The following UBE3B variants were observed in gnomAD, a reference collection of about 807,000 sequenced individuals.
UBE3B encodes ubiquitin-protein ligase E3B.
Under a neutral mutation model 132.3 loss-of-function variants are expected in UBE3B, and 80 were observed. That is an observed-to-expected ratio of 0.60 (90% CI 0.50 to 0.73). The LOEUF is 0.73. Ranked by LOEUF, UBE3B falls within the 30% of genes least tolerant of loss-of-function variation. UBE3B has a pLI of 0.00. For missense variants in UBE3B, 1,196 were observed against 1,362.5 expected (o/e 0.88, Z 1.92); for synonymous variants, 487 against 520.4 (o/e 0.94, Z 0.87).
At chr12:109,500,678 C>T (rs1878869014) in intron 12 of UBE3B, among the ~76,000 whole-genome samples, 1 of 152,238 alleles carries the variant, frequency 6.6e-6, no homozygotes, top group African/African-American at 2.4e-5. Context: ...CTCCGCTCCA[C>T]TTCCTCTTCT....
chr12:109,528,360 A>G, intron 24 of UBE3B: 1 of 985,344 alleles, frequency 1.0e-6, no homozygotes, highest in Non-Finnish European at 1.2e-6. Flanking sequence ...GCTTCAAAGT[A>G]TACCTGGAAG....
chr12:109,489,565 A>G (rs1877079568), intron 7 of UBE3B, among the ~76,000 whole-genome samples: 1 of 152,200 alleles, frequency 6.6e-6, no homozygotes, highest in Admixed American at 6.5e-5. Context: ...TGGGAAGCTC[A>G]TGTCCCATTG....
At chr12:109,485,893 G>A in intron 4 of UBE3B, 119 bp from the exon 5 acceptor site, 1 of 1,046,846 alleles carries the variant, frequency 9.6e-7, no homozygotes, top group East Asian at 2.6e-5. Context: ...ATGTGATTAT[G>A]TGTGAATCAC....
In UBE3B at chr12:109,521,700, C is replaced by T. The variant is rs956614520; in HGVS notation, c.2364+149C>T. On this transcript the variant is annotated intron_variant, in intron 21 of 27. Coordinates refer to ENST00000342494, the MANE Select transcript of UBE3B (RefSeq NM_130466.4). The surrounding 1 kb of genome is among the most constrained non-coding windows in gnomAD (Gnocchi z 4.2). ...GGGGCAGGAACCAAGGTTTGTTGTA[C>T]ACCAGTGCTAGGTACTTTGCCTGTG... 2.7e-5 allele frequency: 18 copies of T among 658,898 alleles called. 1 individual carries two copies. The East Asian group carries it at 4.6e-4, about 17-fold the overall frequency. 40.8% of individuals were successfully genotyped at this position (658,898 alleles called of 1,614,324 possible).
chr12:109,497,319 A>G (rs1592907901), intron 9 of UBE3B, among the ~76,000 whole-genome samples: 1 of 151,860 alleles, frequency 6.6e-6, no homozygotes, highest in South Asian at 2.1e-4. Flanking sequence ...TATACATACT[A>G]TAGATACACT....
At position 109,488,558 on chromosome 12, in the gene UBE3B, T is replaced by C. The variant is rs1876898352; in HGVS notation, c.448-14T>C. 1 of 1,611,414 alleles carries C rather than the reference T, an allele frequency of 6.2e-7. No homozygotes were observed. The highest frequency in any genetic ancestry group is 8.5e-7 in the Non-Finnish European group (1 of 1,177,626). On this transcript the variant is annotated splice_polypyrimidine_tract_variant and intron_variant, in intron 6 of 27. Transcript: ENST00000342494. ...AGACGTGTGTCTTAATCTTGCTGTG[T>C]TTATTGTTTCCAGCCTGAAATCCTG...
At position 109,489,957 on chromosome 12, in the gene UBE3B, A is replaced by G. The variant is rs970102463; in HGVS notation, c.583A>G (p.Asn195Asp). ...ACCAGCGATGAACCACATTTGTGCA[A>G]ATATAATGGGACATCTCAACCAGCA... Reference protein sequence around the residue: ...LRPAMNHICANIMGHLNQHGF... With the variant: ...LRPAMNHICADIMGHLNQHGF... Residue 195 changes from asparagine to aspartate, a missense_variant, in exon 8 of 28, where the codon AAT becomes GAT. Physicochemically the swap from Asn to Asp is conservative, Grantham distance 23. Coordinates refer to ENST00000342494, the MANE Select transcript of UBE3B (RefSeq NM_130466.4). The G allele has an allele frequency of 6.2e-7, 1 of 1,614,206 alleles. No individual in the cohort carries two copies. The highest frequency in any genetic ancestry group is 8.5e-7 in the Non-Finnish European group (1 of 1,180,028).
rs761507744 is a variant in UBE3B, at chr12:109,533,581, G to A, written c.3015+23G>A. 3 of 1,596,708 alleles carry A rather than the reference G, an allele frequency of 1.9e-6. No homozygotes were observed. The African/African-American group carries it at 4.0e-5, about 21-fold the overall frequency. On this transcript the variant is annotated intron_variant, in intron 27 of 27. Transcript: ENST00000342494. ...CAGGTACCCCCACGGGGTGGGTGGGGAAGAGCCTTGACTTCCCTCTTGGTG... is the reference window on the plus strand; with the variant it reads ...CAGGTACCCCCACGGGGTGGGTGGGAAAGAGCCTTGACTTCCCTCTTGGTG...
intron 2 of UBE3B, 98 bp from the exon 3 acceptor site, chr12:109,483,433 C>G (rs148340310): frequency 3.1e-6 from 4 of 1,289,466 alleles, no homozygotes; most frequent in African/African-American, 3.0e-5. Flanking sequence ...AGTATCTCTG[C>G]TGCCCAGGTC....
Position 109,483,916 on chromosome 12 carries a change from G to A in UBE3B, c.217G>A (p.Ala73Thr). The A allele has an allele frequency of 6.2e-7, 1 of 1,614,064 alleles. No homozygotes were observed. Among genetic ancestry groups the A allele is most frequent in the Non-Finnish European group, 8.5e-7 (1 of 1,179,970 alleles). The stretch of plus-strand genomic sequence containing the variant: ...TGACCCTGAGTCCACTAAAAGAAGT[G>A]CACTTTGTATTTTCAAGATTGCCAG... ...ADDPESTKRS[A>T]LCIFKIARKL... is the part of the protein sequence containing the mutation. The change falls in exon 4 of 28, where the codon GCA (alanine) becomes ACA (threonine). Residue 73 changes from alanine (A) to threonine (T), a missense_variant. Coordinates refer to ENST00000342494, the MANE Select transcript of UBE3B (RefSeq NM_130466.4).
intron 8 of UBE3B, chr12:109,490,771 T>G: frequency 7.2e-7 from 1 of 1,380,722 alleles, no homozygotes; most frequent in East Asian, 2.6e-5. Flanking sequence ...AATACTTTCT[T>G]CCCTTTCCTT....
chr12:109,521,424 G>C lies in UBE3B; in HGVS notation c.2254-17G>C. 1.3e-6 allele frequency: 2 copies of C among 1,579,480 alleles called. No individual in the cohort carries two copies. The highest frequency in any genetic ancestry group is 1.7e-5 in the Admixed American group (1 of 58,298). On this transcript the variant is annotated splice_polypyrimidine_tract_variant and intron_variant, in intron 20 of 27. Transcript: ENST00000342494. The surrounding 1 kb of genome is among the most constrained non-coding windows in gnomAD (Gnocchi z 4.2). Reference sequence around the variant, plus strand: ...AGGCACTTGACCTCTGCCTCTCCCCGTCTTTTTGCCTTGCAGACAACCAGT... The same window carrying C: ...AGGCACTTGACCTCTGCCTCTCCCCCTCTTTTTGCCTTGCAGACAACCAGT...
rs1481677641 is a variant in UBE3B, at chr12:109,536,364, C to T, written c.*1582C>T. On this transcript the variant is annotated 3_prime_UTR_variant, in exon 28 of 28. Coordinates refer to ENST00000342494, the MANE Select transcript of UBE3B (RefSeq NM_130466.4). ...GCGGGTTCGTGCATACATGCGGGGACCCCAGACTGTCAGCACAGGGAAGAT... is the reference window on the plus strand; with the variant it reads ...GCGGGTTCGTGCATACATGCGGGGATCCCAGACTGTCAGCACAGGGAAGAT... The T allele has an allele frequency of 6.6e-6, 1 of 152,224 alleles. No homozygotes were observed. The highest frequency in any genetic ancestry group is 2.1e-4 in the South Asian group (1 of 4,834). The allele number at this position is 152,224 out of a possible 1,614,324, so 9.4% of individuals were successfully genotyped here.
chr12:109,487,917 A>G (rs12306452), intron 6 of UBE3B, among the ~76,000 whole-genome samples: 27,335 of 152,156 alleles, frequency 0.18, 2,673 homozygotes, highest in Middle Eastern at 0.25. Context: ...TGGACCTGCT[A>G]TAGGGTCTGT....
intron 5 of UBE3B, 64 bp from the exon 6 acceptor site, chr12:109,486,407 G>A (rs1592881844): frequency 5.2e-6 from 7 of 1,347,698 alleles, no homozygotes; most frequent in Non-Finnish European, 6.2e-6. Context: ...AGTTCCAACA[G>A]TTAGAGCACA....
chr12:109,516,442 G>T (rs528607845), intron 18 of UBE3B, among the ~76,000 whole-genome samples: 3 of 152,278 alleles, frequency 2.0e-5, no homozygotes, highest in South Asian at 4.1e-4. Flanking sequence ...CTCCCAGAGT[G>T]CTGGGATTAC....
chr12:109,490,495 T>TGA (rs1877284006), intron 8 of UBE3B: 1 of 1,535,990 alleles, frequency 6.5e-7, no homozygotes, highest in Non-Finnish European at 8.7e-7. Flanking sequence ...CCTAGTGCTG[T>TGA]GATGGGCTGT....
chr12:109,519,275 C>G (rs1156844949), intron 19 of UBE3B, among the ~76,000 whole-genome samples: 1 of 152,214 alleles, frequency 6.6e-6, no homozygotes. Flanking sequence ...CCTGTGTGTG[C>G]ATGTTGAGAT....
At chr12:109,516,585 A>T (rs1881091448) in intron 18 of UBE3B, among the ~76,000 whole-genome samples, 180 bp from the exon 19 acceptor site, 1 of 152,038 alleles carries the variant, frequency 6.6e-6, no homozygotes, top group Non-Finnish European at 1.5e-5. Flanking sequence ...TCTAATTCCC[A>T]CAAGTGTTCC....
Sources: gnomAD v4.1 joint callset for allele counts (sites outside exome capture counted in the v4.1 genomes callset) on GRCh38, gnomAD v4.1.1 for gene constraint, Gnocchi (gnomAD v3.1) non-coding constraint, MANE v1.5 for transcripts, NCBI Gene and HGNC (gene_info 2026-07-23, HGNC 2026-07-21) for gene names.